The following TSHR variants were observed in gnomAD, a reference collection of about 807,000 sequenced individuals.
TSHR encodes the protein thyroid stimulating hormone receptor.
In TSHR, 51 loss-of-function variants were observed where a neutral mutation model predicts 64.1. The ratio of observed to expected loss-of-function variants is 0.80; its 90% CI spans 0.64 to 1.01. TSHR has a LOEUF of 1.01. TSHR is among the 50% of genes least tolerant of loss of function. TSHR has a pLI of 0.00. For synonymous variants in TSHR, 361 were observed against 361.9 expected (o/e 1.00, Z 0.03); for missense variants, 877 against 942.8 (o/e 0.93, Z 0.91).
intron 8 of TSHR, among the ~76,000 whole-genome samples, chr14:81,112,417 G>A (rs2140041361): frequency 6.6e-6 from 1 of 152,122 alleles, no homozygotes; most frequent in African/African-American, 2.4e-5. Context: ...CCTGGGTCCT[G>A]GCTCTTTTTC....
intron 1 of TSHR, among the ~76,000 whole-genome samples, chr14:80,989,765 G>A (rs1202967042): frequency 6.6e-6 from 1 of 152,080 alleles, no homozygotes; most frequent in Non-Finnish European, 1.5e-5. Context: ...CACTTTAGAG[G>A]TTTGGATTTT....
Position 81,144,352 on chromosome 14 carries a change from A to C in TSHR, c.2294A>C (p.Ter765SerextTer15). The C allele has an allele frequency of 6.2e-7, 1 of 1,614,068 alleles. No individual in the cohort carries two copies. The highest frequency in any genetic ancestry group is 2.2e-5 in the East Asian group (1 of 44,892). ...ISEEYMQTVL[*>S] ...GAAGAGTATATGCAAACGGTTTTGT[A>C]AGTTAACACTACACTACTCACAATG... Residue 765 changes from the stop codon to serine, a stop_lost, in exon 10 of 10, where the codon TAA becomes TCA. Transcript: ENST00000298171.
intron 1 of TSHR, among the ~76,000 whole-genome samples, chr14:81,016,528 C>T (rs1341281793): frequency 2.0e-5 from 3 of 152,114 alleles, no homozygotes; most frequent in Non-Finnish European, 2.9e-5. Context: ...TAGCCCCTCA[C>T]CAGATATATA....
intron 1 of TSHR, among the ~76,000 whole-genome samples, chr14:81,037,448 A>AAAAAAAAAAAAAAAAAAT (rs1273226258): frequency 1.6e-5 from 2 of 128,456 alleles, no homozygotes; most frequent in Non-Finnish European, 3.7e-5. Context: ...AACAAACAAA[A>AAAAAAAAAAAAAAAAAAT]AACAGAAAAT....
Position 81,145,505 on chromosome 14 carries a change from T to A in TSHR, c.*1152T>A, listed in dbSNP as rs2288494. The A allele has an allele frequency of 0.86, 199,096 of 232,484 alleles. 85,355 individuals are homozygous for A. The highest frequency in any genetic ancestry group is 0.87 in the South Asian group (4,795 of 5,520). The allele number at this position is 232,484 out of a possible 1,614,324, so 14.4% of individuals were successfully genotyped here. A position where few individuals can be genotyped will look rare whatever the true frequency, so the allele number is the denominator to read the frequency against. ...TTAATTACTAGATCTACCCAGCTGT[T>A]ATATCAGGCCAAAAACAGATTCGTG... On this transcript the variant is annotated 3_prime_UTR_variant, in exon 10 of 10. Transcript: ENST00000298171.
intron 1 of TSHR, chr14:81,049,731 T>C (rs1434754838): frequency 2.0e-5 from 3 of 152,142 alleles, no homozygotes; most frequent in Non-Finnish European, 4.4e-5. Context: ...TGGTGTGAGG[T>C]GATTGGATCA....
chr14:80,969,301 C>G (rs543935386), intron 1 of TSHR, among the ~76,000 whole-genome samples: 27 of 152,234 alleles, frequency 1.8e-4, no homozygotes, highest in African/African-American at 6.3e-4. Flanking sequence ...CCTTCTCTGC[C>G]ATGAAATGCA....
chr14:80,982,643 A>G, intron 1 of TSHR: 1 of 1,097,554 alleles, frequency 9.1e-7, no homozygotes, highest in Non-Finnish European at 1.2e-6. Flanking sequence ...GTCTGAGGTA[A>G]CTATCTGGCC....
chr14:81,144,877 C>G lies in TSHR; in HGVS notation c.*524C>G, dbSNP rs1476772604. 5 of 237,094 alleles carry G rather than the reference C, an allele frequency of 2.1e-5. No homozygotes were observed. Among genetic ancestry groups the G allele is most frequent in the African/African-American group, 1.1e-4 (5 of 45,336 alleles). The allele number at this position is 237,094 out of a possible 1,614,324, so 14.7% of individuals were successfully genotyped here. On this transcript the variant is annotated 3_prime_UTR_variant, in exon 10 of 10. Transcript: ENST00000298171. ...ACACAGCTAGCTGTCATACAAGAAACAGCTATTATGAGACATGAAGGAGGG... is the reference window on the plus strand; with the variant it reads ...ACACAGCTAGCTGTCATACAAGAAAGAGCTATTATGAGACATGAAGGAGGG...
At chr14:81,089,491 C>G (rs754368295) in intron 4 of TSHR, among the ~76,000 whole-genome samples, 2 of 152,118 alleles carry the variant, frequency 1.3e-5, no homozygotes, top group Non-Finnish European at 2.9e-5. Flanking sequence ...GGGGAACATA[C>G]AGGTTTCTAA....
intron 3 of TSHR, among the ~76,000 whole-genome samples, chr14:81,077,174 G>A (rs949705475): frequency 6.6e-6 from 1 of 152,100 alleles, no homozygotes; most frequent in Non-Finnish European, 1.5e-5. Flanking sequence ...TTTTGGTTTA[G>A]AACTTACTAA....
At chr14:81,022,736 G>A (rs558778243) in intron 1 of TSHR, among the ~76,000 whole-genome samples, 3 of 152,110 alleles carry the variant, frequency 2.0e-5, no homozygotes, top group African/African-American at 4.8e-5. Context: ...CACAAGAATC[G>A]CTTGAACCCG....
chr14:80,982,915 G>A, intron 1 of TSHR: 2 of 517,800 alleles, frequency 3.9e-6, no homozygotes, highest in Non-Finnish European at 3.5e-6. Context: ...TAAGCCATTT[G>A]CTTACTCTTG....
chr14:81,141,100 T>A (rs1316972830), intron 9 of TSHR, among the ~76,000 whole-genome samples: 1 of 152,198 alleles, frequency 6.6e-6, no homozygotes, highest in East Asian at 1.9e-4. Context: ...CACTCCAGCC[T>A]GGGCAACAAA....
At chr14:80,991,428 A>C in intron 1 of TSHR, 1 of 390,150 alleles carries the variant, frequency 2.6e-6, no homozygotes, top group South Asian at 1.4e-4. Flanking sequence ...GAGGAAATAG[A>C]GAGACAAATT....
chr14:81,070,499 TC>T (rs1198781790), intron 3 of TSHR, among the ~76,000 whole-genome samples: 2 of 151,376 alleles, frequency 1.3e-5, no homozygotes, highest in African/African-American at 4.8e-5. Flanking sequence ...TGGTGGTGTG[TC>T]CCTGTAATCC....
chr14:81,008,346 G>A (rs1889716544), intron 1 of TSHR, among the ~76,000 whole-genome samples: 1 of 151,906 alleles, frequency 6.6e-6, no homozygotes, highest in African/African-American at 2.4e-5. Flanking sequence ...CTAATTTTTT[G>A]TATTTTTAGT....
At chr14:81,081,317 T>C (rs931125349) in intron 3 of TSHR, among the ~76,000 whole-genome samples, 7 of 152,204 alleles carry the variant, frequency 4.6e-5, no homozygotes, top group African/African-American at 1.7e-4. Flanking sequence ...AGTTTTTCTC[T>C]GTATTATCAA....
Position 81,116,014 on chromosome 14 carries a change from G to A in TSHR, c.692+7562G>A, listed in dbSNP as rs1180820616. On this transcript the variant is annotated intron_variant, in intron 8 of 9. Coordinates refer to ENST00000298171, the MANE Select transcript of TSHR (RefSeq NM_000369.5). ...TTCTCACCACCAGGCCTGCCCTAAA[G>A]GAGCTCCTGAAGGAAGCGCTAAACA... is the stretch of plus-strand genomic sequence containing the variant. Among the ~76,000 whole-genome samples, 16 of 152,148 alleles carry A rather than the reference G, an allele frequency of 1.1e-4. No individual in the cohort carries two copies. The East Asian group carries it at 2.9e-3, about 28-fold the overall frequency.
Sources: gnomAD v4.1 joint callset for allele counts (sites outside exome capture counted in the v4.1 genomes callset) on GRCh38, gnomAD v4.1.1 for gene constraint, MANE v1.5 for transcripts, NCBI Gene and HGNC (gene_info 2026-07-23, HGNC 2026-07-21) for gene names.